STMN2: variants seen among roughly 807,000 people sequenced by gnomAD.
STMN2 encodes the protein stathmin-2.
Under a neutral mutation model 24.1 loss-of-function variants are expected in STMN2, and 2 were observed. The ratio of observed to expected loss-of-function variants is 0.08; its 90% CI spans 0.03 to 0.26. STMN2 has a LOEUF of 0.26. Among genes scored for constraint, STMN2 ranks in the 10% least tolerant of loss-of-function variants. STMN2 has a pLI of 1.00. For missense variants in STMN2, 114 were observed against 213.6 expected (o/e 0.53, Z 2.91); for synonymous variants, 83 against 77.5 (o/e 1.07, Z -0.37).
intron 2 of STMN2, among the ~76,000 whole-genome samples, chr8:79,637,280 A>G (rs531678167): frequency 2.6e-5 from 4 of 152,336 alleles, no homozygotes; most frequent in African/African-American, 9.6e-5. Context: ...ATCAACAACC[A>G]TAATTGTTTT....
chr8:79,654,497 C>A (rs1309403724), intron 3 of STMN2, among the ~76,000 whole-genome samples: 2 of 152,162 alleles, frequency 1.3e-5, no homozygotes, highest in African/African-American at 2.4e-5. Context: ...TTGTCTCAGT[C>A]CTCAACTGTT....
chr8:79,614,431 A>AT (rs1040231930), intron 1 of STMN2, among the ~76,000 whole-genome samples: 1 of 152,194 alleles, frequency 6.6e-6, no homozygotes, highest in Non-Finnish European at 1.5e-5. Context: ...TTTGGTCAGA[A>AT]TTTCAGGATA....
intron 1 of STMN2, among the ~76,000 whole-genome samples, chr8:79,616,159 T>C (rs1222670038): frequency 6.6e-6 from 1 of 152,210 alleles, no homozygotes; most frequent in African/African-American, 2.4e-5. Context: ...CTGACTGCTG[T>C]TATTTTTCCC....
At chr8:79,618,692 T>C (rs1337830070) in intron 1 of STMN2, among the ~76,000 whole-genome samples, 1 of 152,204 alleles carries the variant, frequency 6.6e-6, no homozygotes, top group Non-Finnish European at 1.5e-5. Context: ...GTAAAGCTTG[T>C]GTTTATAATA....
intron 3 of STMN2, among the ~76,000 whole-genome samples, chr8:79,648,903 A>G (rs1051016897): frequency 6.6e-6 from 1 of 152,222 alleles, no homozygotes; most frequent in Non-Finnish European, 1.5e-5. Flanking sequence ...AAAGGATTTT[A>G]ATGACATTGA....
chr8:79,638,183 G>A (rs1176548629), intron 2 of STMN2, among the ~76,000 whole-genome samples: 1 of 152,186 alleles, frequency 6.6e-6, no homozygotes, highest in Non-Finnish European at 1.5e-5. Flanking sequence ...GAGTTCCATA[G>A]GGCGTAGTCC....
chr8:79,641,623 TGCAC>T lies in STMN2; in HGVS notation c.288+78_288+81del, dbSNP rs1279392091. 338 of 520,620 alleles carry T rather than the reference TGCAC, an allele frequency of 6.5e-4. 1 individual carries two copies. Among genetic ancestry groups the T allele is most frequent in the East Asian group, 6.6e-4 (15 of 22,608 alleles). 32.3% of individuals were successfully genotyped at this position (520,620 alleles called of 1,614,324 possible). ...TCCCTCTCACACACTCGGGCACACA[TGCAC>T]GCACACACACACACACACACACACA... On this transcript the variant is annotated intron_variant, in intron 3 of 4. Transcript: ENST00000220876.
In STMN2 at chr8:79,636,805, A is replaced by C; in HGVS notation, c.23A>C (p.Tyr8Ser). Residue 8 changes from tyrosine (Y) to serine (S), a missense_variant, in exon 2 of 5, where the codon TAC (tyrosine) becomes TCC (serine). Physicochemically the swap from Tyr to Ser is moderately radical, Grantham distance 144 (BLOSUM62 -2). Coordinates refer to ENST00000220876, the MANE Select transcript of STMN2 (RefSeq NM_007029.4). The part of the protein sequence containing the change: MAKTAMA[Y>S]KEKMKELSML... ...AATCTTCAGCTTTTCATTTCAGCCT[A>C]CAAGGAAAAAATGAAGGAGCTGTCC... 4 of 1,613,544 alleles carry C rather than the reference A, an allele frequency of 2.5e-6. No individual in the cohort carries two copies. Among genetic ancestry groups the C allele is most frequent in the Non-Finnish European group, 3.4e-6 (4 of 1,179,632 alleles).
chr8:79,633,458 C>G (rs1256988953), intron 1 of STMN2, among the ~76,000 whole-genome samples: 1 of 152,146 alleles, frequency 6.6e-6, no homozygotes, highest in Non-Finnish European at 1.5e-5. Context: ...TTAGTTTTAG[C>G]TGATAAAACA....
intron 1 of STMN2, among the ~76,000 whole-genome samples, chr8:79,612,453 G>A (rs1809262598): frequency 6.6e-6 from 1 of 151,730 alleles, no homozygotes; most frequent in Non-Finnish European, 1.5e-5. Context: ...AAGCAAAAGA[G>A]GTCAAAGTCT....
chr8:79,643,168 T>TATAA (rs890175290), intron 3 of STMN2, among the ~76,000 whole-genome samples: 8 of 145,290 alleles, frequency 5.5e-5, no homozygotes, highest in African/African-American at 1.0e-4. Flanking sequence ...TATATATATA[T>TATAA]AAAATACTAG....
intron 1 of STMN2, among the ~76,000 whole-genome samples, chr8:79,614,021 T>G (rs1230074107): frequency 6.6e-6 from 1 of 152,112 alleles, no homozygotes; most frequent in African/African-American, 2.4e-5. Flanking sequence ...TGCACAAAAT[T>G]TTAAGTTTTT....
chr8:79,660,085 A>T (rs546247123), intron 4 of STMN2, among the ~76,000 whole-genome samples: 1 of 152,328 alleles, frequency 6.6e-6, no homozygotes, highest in South Asian at 2.1e-4. Context: ...AATCAAGCAT[A>T]TAACACAACC....
intron 1 of STMN2, among the ~76,000 whole-genome samples, chr8:79,628,152 TTTTTTTTTATTTTTTA>T (rs1171533015): frequency 6.6e-6 from 1 of 151,028 alleles, no homozygotes; most frequent in Non-Finnish European, 1.5e-5. Context: ...AGTAGTTTTA[TTTTTTTTTATTTTTTA>T]TTTTTTTTAT....
chr8:79,659,938 ATACTT>A (rs1806467768), intron 4 of STMN2, among the ~76,000 whole-genome samples: 1 of 152,178 alleles, frequency 6.6e-6, no homozygotes. Context: ...TATCTACTAA[ATACTT>A]CACTTTCTCA....
intron 4 of STMN2, among the ~76,000 whole-genome samples, chr8:79,656,547 T>C (rs961973054): frequency 6.6e-6 from 1 of 152,150 alleles, no homozygotes; most frequent in Admixed American, 6.5e-5. Context: ...TAAAGTTTAC[T>C]CCCCTGACCT....
intron 4 of STMN2, among the ~76,000 whole-genome samples, chr8:79,661,888 T>C (rs1387057203): frequency 6.6e-6 from 1 of 152,148 alleles, no homozygotes; most frequent in African/African-American, 2.4e-5. Flanking sequence ...CTTTTTTATA[T>C]TGCAAGTGCA....
chr8:79,614,306 A>G (rs1258698967), intron 1 of STMN2, among the ~76,000 whole-genome samples: 3 of 152,250 alleles, frequency 2.0e-5, no homozygotes, highest in African/African-American at 7.2e-5. Context: ...TCATTAAACA[A>G]TTATGTATTC....
intron 1 of STMN2, among the ~76,000 whole-genome samples, chr8:79,611,999 C>G (rs889005009): frequency 1.3e-5 from 2 of 151,852 alleles, no homozygotes; most frequent in African/African-American, 4.8e-5. Flanking sequence ...CCAGCGGTCC[C>G]GGGGGGAGGC....
Sources: gnomAD v4.1 joint callset for allele counts (sites outside exome capture counted in the v4.1 genomes callset) on GRCh38, gnomAD v4.1.1 for gene constraint, MANE v1.5 for transcripts, NCBI Gene and HGNC (gene_info 2026-07-23, HGNC 2026-07-21) for gene names.